Variants in LINGO2 observed in about 807,000 individuals in gnomAD.
LINGO2 encodes leucine rich repeat and Ig domain containing 2.
LINGO2 carries 14 observed loss-of-function variants against 30.6 expected under a neutral mutation model. The ratio of observed to expected loss-of-function variants is 0.46; its 90% confidence interval spans 0.30 to 0.72. LINGO2 has a LOEUF of 0.72. Among genes scored for constraint, LINGO2 ranks in the 30% least tolerant of loss-of-function variants. The probability of loss-of-function intolerance (pLI) is 0.07; values close to 1 mark genes in which losing one functional copy is unlikely to be tolerated. For synonymous variants in LINGO2, 317 were observed against 288.5 expected (o/e 1.10, Z -1.00); for missense variants, 729 against 751.7 (o/e 0.97, Z 0.35).
At chr9:28,490,396 G>C (rs1156983715) in intron 1 of LINGO2, among the ~76,000 whole-genome samples, 1 of 152,200 alleles carries the variant, frequency 6.6e-6, no homozygotes, top group African/African-American at 2.4e-5. Context: ...CCCAAAGAAA[G>C]TCTGATTGAG....
Position 28,005,210 on chromosome 9 carries a change from C to T in LINGO2, c.-36+7145G>A, listed in dbSNP as rs74337433. On this transcript the variant is annotated intron_variant, in intron 5 of 5. Coordinates refer to ENST00000379992, the Ensembl canonical transcript of LINGO2. Reference sequence around the variant, plus strand: ...GCTGAGGTCATACCAATCCAGTGGTCCTCAGCCAAATAATCATGTCAGGCA... The same window carrying T: ...GCTGAGGTCATACCAATCCAGTGGTTCTCAGCCAAATAATCATGTCAGGCA... Among the ~76,000 whole-genome samples, 894 of 152,290 alleles carry T rather than the reference C, an allele frequency of 5.9e-3. 12 individuals carry two copies. The highest frequency in any genetic ancestry group is 0.035 in the Admixed American group (528 of 15,278).
At chr9:28,652,905 C>A (rs541120781) in intron 1 of LINGO2, among the ~76,000 whole-genome samples, 4 of 151,874 alleles carry the variant, frequency 2.6e-5, no homozygotes, top group South Asian at 2.1e-4. Flanking sequence ...TGAAGCCTGG[C>A]CCATCAGGGT....
chr9:28,016,224 G>A (rs1200896761), intron 4 of LINGO2, among the ~76,000 whole-genome samples: 5 of 152,012 alleles, frequency 3.3e-5, no homozygotes, highest in African/African-American at 9.7e-5. Context: ...TACATTAAAA[G>A]CTGGCAGTAG....
intron 1 of LINGO2, among the ~76,000 whole-genome samples, chr9:28,615,431 A>G (rs920809068): frequency 6.6e-6 from 1 of 152,192 alleles, no homozygotes; most frequent in Non-Finnish European, 1.5e-5. Flanking sequence ...CCATGAGGGC[A>G]GTGATGCTGC....
At chr9:28,107,487 G>T (rs917373455) in intron 4 of LINGO2, among the ~76,000 whole-genome samples, 1 of 151,942 alleles carries the variant, frequency 6.6e-6, no homozygotes, top group Non-Finnish European at 1.5e-5. Context: ...ACACTCTAAG[G>T]TTTCTTCTAC....
the LINGO2 span, among the ~76,000 whole-genome samples, chr9:28,966,910 T>C: frequency 1.3e-5 from 2 of 152,078 alleles, no homozygotes; most frequent in Non-Finnish European, 2.9e-5. Context: ...CACTTACTGA[T>C]GCATAAAATT....
chr9:27,962,129 TG>T (rs1819878652), intron 5 of LINGO2, among the ~76,000 whole-genome samples: 1 of 152,170 alleles, frequency 6.6e-6, no homozygotes, highest in Admixed American at 6.5e-5. Flanking sequence ...CAGATGACTA[TG>T]TCCAACATAA....
chr9:29,070,843 A>G, the LINGO2 span, among the ~76,000 whole-genome samples: 1 of 151,070 alleles, frequency 6.6e-6, no homozygotes, highest in African/African-American at 2.4e-5. Flanking sequence ...ATGAATTTTT[A>G]TTATTTATGA....
At chr9:28,621,375 C>T (rs937637433) in intron 1 of LINGO2, among the ~76,000 whole-genome samples, 5 of 151,644 alleles carry the variant, frequency 3.3e-5, no homozygotes, top group African/African-American at 1.2e-4. Context: ...TCATTTCTGT[C>T]TTTCCAAAAT....
intron 2 of LINGO2, among the ~76,000 whole-genome samples, chr9:28,386,962 A>G (rs917455027): frequency 6.6e-6 from 1 of 152,210 alleles, no homozygotes; most frequent in African/African-American, 2.4e-5. Context: ...GCGATAAATA[A>G]TTACAATGCA....
the LINGO2 span, among the ~76,000 whole-genome samples, chr9:28,760,685 A>G: frequency 3.3e-5 from 5 of 151,296 alleles, no homozygotes; most frequent in Admixed American, 6.6e-5. Flanking sequence ...CCCAAAGTCC[A>G]TTGTATCATT....
intron 3 of LINGO2, among the ~76,000 whole-genome samples, chr9:28,303,710 C>T (rs1179080136): frequency 6.6e-6 from 1 of 151,952 alleles, no homozygotes; most frequent in Non-Finnish European, 1.5e-5. Context: ...AAGGTATTTA[C>T]TCTTTATAAT....
chr9:28,233,062 T>TATATATATATATATA (rs1564063017), intron 4 of LINGO2, among the ~76,000 whole-genome samples: 6 of 45,424 alleles, frequency 1.3e-4, no homozygotes, highest in African/African-American at 8.7e-4. Context: ...ATATATATAT[T>TATATATATATATATA]AGATATATAA....
intron 1 of LINGO2, among the ~76,000 whole-genome samples, chr9:28,660,115 G>T (rs907916644): frequency 2.0e-5 from 3 of 152,000 alleles, no homozygotes; most frequent in African/African-American, 7.3e-5. Context: ...TATAAAAATT[G>T]CATGTAAAAT....
intron 4 of LINGO2, among the ~76,000 whole-genome samples, chr9:28,192,350 T>C (rs1387698555): frequency 6.6e-6 from 1 of 152,056 alleles, no homozygotes; most frequent in Admixed American, 6.6e-5. Context: ...ACCCAGTAAA[T>C]GTTCACTGAA....
At chr9:28,078,169 T>C (rs1825679279) in intron 4 of LINGO2, among the ~76,000 whole-genome samples, 1 of 149,104 alleles carries the variant, frequency 6.7e-6, no homozygotes, top group South Asian at 2.1e-4. Flanking sequence ...AGAAGGATGG[T>C]CAGGCTAGTA....
the LINGO2 span, among the ~76,000 whole-genome samples, chr9:28,732,880 G>T: frequency 6.6e-6 from 1 of 151,904 alleles, no homozygotes; most frequent in Admixed American, 6.6e-5. Context: ...AATCCTGGCC[G>T]GATGCAAGAA....
chr9:29,045,277 C>A, the LINGO2 span, among the ~76,000 whole-genome samples: 2 of 151,888 alleles, frequency 1.3e-5, no homozygotes, highest in African/African-American at 4.8e-5. Context: ...ATTTTCAGAC[C>A]GCAATTGGCC....
chr9:28,427,260 C>T (rs971530016), intron 2 of LINGO2, among the ~76,000 whole-genome samples: 26 of 152,190 alleles, frequency 1.7e-4, no homozygotes, highest in African/African-American at 6.3e-4. Context: ...CTCTCCTGAG[C>T]ACTGCTATAG....
Sources: allele counts gnomAD v4.1 joint callset (sites outside exome capture counted in the v4.1 genomes callset), GRCh38; gene constraint gnomAD v4.1.1; transcripts MANE v1.5; gene names NCBI Gene and HGNC (gene_info 2026-07-23, HGNC 2026-07-21).